VPS13B: variants seen among roughly 807,000 people sequenced by gnomAD.
The protein encoded by VPS13B is intermembrane lipid transfer protein VPS13B.
In VPS13B, 285 loss-of-function variants were observed where a neutral mutation model predicts 426.4. That is an observed-to-expected ratio of 0.67 (90% CI 0.61 to 0.74). The LOEUF is 0.74. VPS13B is among the 30% of genes least tolerant of loss of function. VPS13B has a pLI of 0.00. For synonymous variants in VPS13B, 1,676 were observed against 1,676.4 expected (o/e 1.00, Z 0.01); for missense variants, 4,537 against 4,782.6 (o/e 0.95, Z 1.51).
At chr8:99,083,268 T>G (rs1845586341) in intron 3 of VPS13B, among the ~76,000 whole-genome samples, 1 of 152,212 alleles carries the variant, frequency 6.6e-6, no homozygotes, top group African/African-American at 2.4e-5. Context: ...TGTTTGTTAT[T>G]GGTGTATAGG....
At chr8:99,431,973 A>G (rs1280855934) in intron 22 of VPS13B, among the ~76,000 whole-genome samples, 2 of 152,062 alleles carry the variant, frequency 1.3e-5, no homozygotes, top group African/African-American at 4.8e-5. Context: ...GTGTTCATAT[A>G]GTTCCATTCT....
chr8:99,659,615 A>G (rs1830147560), intron 34 of VPS13B, among the ~76,000 whole-genome samples: 1 of 152,216 alleles, frequency 6.6e-6, no homozygotes, highest in South Asian at 2.1e-4. Context: ...ATATGCCACA[A>G]GGATAACCAT....
rs1451847541 is a variant in VPS13B at position 99,481,581 on chromosome 8, T to C, written c.3667-18T>C. 1 of 1,612,218 alleles carries C rather than the reference T, an allele frequency of 6.2e-7. No individual in the cohort carries two copies. Among genetic ancestry groups the C allele is most frequent in the Admixed American group, 1.7e-5 (1 of 60,010 alleles). Reference sequence around the variant, plus strand: ...AGTTGAAAGACTTGTTTTCTTTTCTTTTTTCTTATGCTCTCAGGTCCAGCT... The same window carrying C: ...AGTTGAAAGACTTGTTTTCTTTTCTCTTTTCTTATGCTCTCAGGTCCAGCT... On this transcript the variant is annotated intron_variant, in intron 24 of 61. Transcript: ENST00000357162.
intron 39 of VPS13B, among the ~76,000 whole-genome samples, chr8:99,756,715 G>C (rs1169721041): frequency 6.6e-6 from 1 of 152,154 alleles, no homozygotes; most frequent in East Asian, 1.9e-4. Flanking sequence ...CTACTAATGA[G>C]AAAAAGCCTG....
At chr8:99,076,673 A>G (rs912841994) in intron 3 of VPS13B, among the ~76,000 whole-genome samples, 14 of 140,876 alleles carry the variant, frequency 9.9e-5, no homozygotes, top group African/African-American at 3.7e-4. Flanking sequence ...AGGTGTAGCT[A>G]CTTCTGTTTG....
chr8:99,661,539 A>T, intron 35 of VPS13B, 48 bp downstream of exon 35: 1 of 1,596,614 alleles, frequency 6.3e-7, no homozygotes, highest in South Asian at 1.1e-5. Flanking sequence ...TTATGTGAAT[A>T]TATTAGCATG....
chr8:99,660,069 T>A (rs1277224341), intron 34 of VPS13B, among the ~76,000 whole-genome samples: 1 of 152,184 alleles, frequency 6.6e-6, no homozygotes, highest in Non-Finnish European at 1.5e-5. Context: ...ATGAAATGGA[T>A]CTACTATGCA....
intron 25 of VPS13B, among the ~76,000 whole-genome samples, chr8:99,497,343 A>G (rs1488233476): frequency 1.4e-5 from 2 of 142,176 alleles, no homozygotes; most frequent in South Asian, 4.5e-4. Flanking sequence ...CATAAAATAC[A>G]TATATACATA....
intron 35 of VPS13B, among the ~76,000 whole-genome samples, chr8:99,687,096 G>A (rs957323959): frequency 6.6e-6 from 1 of 152,002 alleles, no homozygotes; most frequent in Non-Finnish European, 1.5e-5. Context: ...TGCAAGGACT[G>A]GGTCCTTCTC....
At chr8:99,478,447 G>GTTTTGTTTTTTTTTTTT (rs1819822769) in intron 24 of VPS13B, among the ~76,000 whole-genome samples, 9 of 85,744 alleles carry the variant, frequency 1.0e-4, no homozygotes, top group South Asian at 3.7e-4. Context: ...TTTTTGTTTT[G>GTTTTGTTTTTTTTTTTT]TTTTTTTTTT....
intron 19 of VPS13B, among the ~76,000 whole-genome samples, chr8:99,337,662 CTTTTCTTTGTT>C (rs1810997372): frequency 6.6e-6 from 1 of 151,872 alleles, no homozygotes; most frequent in African/African-American, 2.4e-5. Flanking sequence ...TTTTCTTAGT[CTTTTCTTTGTT>C]TTTTCTTTTT....
intron 33 of VPS13B, among the ~76,000 whole-genome samples, chr8:99,584,666 G>A (rs1826222374): frequency 1.3e-5 from 2 of 152,154 alleles, no homozygotes; most frequent in Non-Finnish European, 2.9e-5. Flanking sequence ...ATACTCTATG[G>A]AAAATTAGAC....
At chr8:99,019,772 C>T (rs1841797934) in intron 2 of VPS13B, among the ~76,000 whole-genome samples, 1 of 152,200 alleles carries the variant, frequency 6.6e-6, no homozygotes, top group Admixed American at 6.5e-5. Flanking sequence ...TTTCACTTAG[C>T]ACAATGTCTC....
chr8:99,647,710 CA>C (rs1370983619), intron 34 of VPS13B, among the ~76,000 whole-genome samples: 1 of 151,280 alleles, frequency 6.6e-6, no homozygotes, highest in African/African-American at 2.4e-5. Flanking sequence ...AAGAATATCA[CA>C]AAAAAATTCA....
intron 29 of VPS13B, among the ~76,000 whole-genome samples, chr8:99,514,481 G>T (rs1055923907): frequency 6.6e-6 from 1 of 152,000 alleles, no homozygotes; most frequent in African/African-American, 2.4e-5. Context: ...TCTATTTTCT[G>T]TCTGTATGAA....
chr8:99,444,137 C>T (rs1466141336), intron 23 of VPS13B, among the ~76,000 whole-genome samples: 5 of 150,162 alleles, frequency 3.3e-5, no homozygotes, highest in East Asian at 3.9e-4. Flanking sequence ...CTTGCTCTGT[C>T]GCCTGGGCTG....
chr8:99,310,310 G>T (rs1208975038), intron 19 of VPS13B, among the ~76,000 whole-genome samples: 4 of 152,126 alleles, frequency 2.6e-5, no homozygotes, highest in Admixed American at 2.6e-4. Flanking sequence ...TATGATATTG[G>T]CTGTGCATTT....
At chr8:99,219,958 G>T (rs1464275424) in intron 17 of VPS13B, among the ~76,000 whole-genome samples, 1 of 152,178 alleles carries the variant, frequency 6.6e-6, no homozygotes, top group Non-Finnish European at 1.5e-5. Flanking sequence ...CGAGCCAGTT[G>T]TAATGTCTCT....
intron 3 of VPS13B, among the ~76,000 whole-genome samples, chr8:99,088,256 G>T (rs1330564627): frequency 6.6e-6 from 1 of 151,652 alleles, no homozygotes; most frequent in Non-Finnish European, 1.5e-5. Context: ...AAATCAATTG[G>T]TAATTTCCTG....
Sources: gnomAD v4.1 joint callset for allele counts (sites outside exome capture counted in the v4.1 genomes callset) on GRCh38, gnomAD v4.1.1 for gene constraint, MANE v1.5 for transcripts, NCBI Gene and HGNC (gene_info 2026-07-23, HGNC 2026-07-21) for gene names.